The following NRG1 variants were observed in gnomAD, a reference collection of about 807,000 sequenced individuals.
NRG1 encodes pro-neuregulin-1, membrane-bound isoform.
A neutral mutation model predicts 63.8 loss-of-function variants in NRG1; 18 were observed. The ratio of observed to expected loss-of-function variants is 0.28; its 90% CI spans 0.19 to 0.42. The LOEUF (loss-of-function observed/expected upper bound fraction) is 0.42. NRG1 is among the 10% of genes least tolerant of loss of function. The pLI is 1.00. For synonymous variants in NRG1, 302 were observed against 301.3 expected, an observed-to-expected ratio of 1.00 and a Z score of -0.02; for missense variants, 762 against 814.7, an observed-to-expected ratio of 0.94 and a Z score of 0.79.
intron 1 of NRG1, among the ~76,000 whole-genome samples, chr8:32,473,643 A>G (rs1164155740): frequency 6.6e-6 from 1 of 152,198 alleles, no homozygotes. Flanking sequence ...GCAGACTTAA[A>G]TCAACCCTGG....
intron 1 of NRG1, among the ~76,000 whole-genome samples, chr8:32,196,989 T>A (rs1207319330): frequency 7.5e-6 from 1 of 133,732 alleles, no homozygotes; most frequent in Non-Finnish European, 1.6e-5. Flanking sequence ...AGATAGAGTC[T>A]TACTCTGTCA....
At chr8:32,417,364 T>C (rs941126303) in intron 1 of NRG1, among the ~76,000 whole-genome samples, 1 of 152,200 alleles carries the variant, frequency 6.6e-6, no homozygotes, top group Admixed American at 6.5e-5. Context: ...AATAAGATAC[T>C]GCTGCAGGTA....
At chr8:32,044,334 CA>C (rs1009165651) in intron 1 of NRG1, among the ~76,000 whole-genome samples, 4 of 151,808 alleles carry the variant, frequency 2.6e-5, no homozygotes, top group Non-Finnish European at 1.5e-5. Context: ...AAAGGACAAA[CA>C]GAAATATTCA....
chr8:31,753,629 GT>G (rs1816696262), intron 1 of NRG1, among the ~76,000 whole-genome samples: 1 of 152,026 alleles, frequency 6.6e-6, no homozygotes, highest in African/African-American at 2.4e-5. Flanking sequence ...AGACACTGCT[GT>G]TTTAATTATC....
intron 1 of NRG1, among the ~76,000 whole-genome samples, chr8:31,653,103 T>A (rs1259653733): frequency 6.7e-6 from 1 of 149,690 alleles, no homozygotes; most frequent in Non-Finnish European, 1.5e-5. Flanking sequence ...TAGAACTCTA[T>A]GTAGCTAAAC....
intron 6 of NRG1, among the ~76,000 whole-genome samples, chr8:32,740,566 T>C (rs899414782): frequency 1.3e-5 from 2 of 152,148 alleles, no homozygotes; most frequent in Non-Finnish European, 2.9e-5. Flanking sequence ...AAAAATATTC[T>C]AAACAAAAAT....
intron 7 of NRG1, chr8:32,749,429 TTGTC>T (rs1471537999): frequency 1.1e-6 from 1 of 903,160 alleles, no homozygotes; most frequent in African/African-American, 1.6e-5. Flanking sequence ...CACACACCAT[TTGTC>T]TGGTTCAATG....
chr8:32,097,003 C>G (rs775124264), intron 1 of NRG1, among the ~76,000 whole-genome samples: 17 of 152,174 alleles, frequency 1.1e-4, no homozygotes, highest in Non-Finnish European at 2.4e-4. Context: ...TTCCTCACTC[C>G]CTCATCCTTC....
intron 5 of NRG1, among the ~76,000 whole-genome samples, chr8:32,699,645 T>C (rs536051201): frequency 6.6e-6 from 1 of 152,346 alleles, no homozygotes; most frequent in South Asian, 2.1e-4. Context: ...CTTCTTATTT[T>C]ATGTCACCCC....
rs940695496 is a variant in NRG1 at position 31,782,617 on chromosome 8, G to T, written c.37+143186G>T. On this transcript the variant is annotated intron_variant, in intron 1 of 10. Coordinates refer to the NRG1 transcript ENST00000519301. ...ATTCATTCGTACACATTACATTGGG[G>T]TTTTCTAGAAGACAGTATGAAAATT... is the stretch of plus-strand genomic sequence containing the variant. 2.0e-5 allele frequency among the ~76,000 whole-genome samples: 3 copies of T among 152,098 alleles called. No homozygotes were observed. The South Asian group carries it at 6.2e-4, about 32-fold the overall frequency.
intron 1 of NRG1, among the ~76,000 whole-genome samples, chr8:32,132,694 A>G (rs1445381655): frequency 6.6e-6 from 1 of 152,094 alleles, no homozygotes. Flanking sequence ...CTGAGATAAT[A>G]TAGTGTTTAC....
chr8:32,128,789 C>T (rs952150414), intron 1 of NRG1, among the ~76,000 whole-genome samples: 1 of 151,932 alleles, frequency 6.6e-6, no homozygotes, highest in African/African-American at 2.4e-5. Context: ...CCTTAAGAAA[C>T]TGTCAAAGCC....
intron 1 of NRG1, among the ~76,000 whole-genome samples, chr8:31,690,711 A>G (rs1809413159): frequency 6.6e-6 from 1 of 152,196 alleles, no homozygotes; most frequent in African/African-American, 2.4e-5. Flanking sequence ...GGGATATGAC[A>G]GAAAGAGGTT....
At chr8:32,491,642 CTGCA>C (rs71541822) in intron 1 of NRG1, among the ~76,000 whole-genome samples, 8,027 of 152,328 alleles carry the variant, frequency 0.053, 285 homozygotes, top group Middle Eastern at 0.085. Flanking sequence ...CTCTAGCCAT[CTGCA>C]TAGCTGCTAG....
chr8:31,919,931 A>T (rs1833761925), intron 1 of NRG1, among the ~76,000 whole-genome samples: 1 of 152,146 alleles, frequency 6.6e-6, no homozygotes, highest in South Asian at 2.1e-4. Context: ...GTGGATATGT[A>T]TTTTATATAA....
chr8:31,858,354 T>C (rs918286485), intron 1 of NRG1, among the ~76,000 whole-genome samples: 3 of 150,808 alleles, frequency 2.0e-5, no homozygotes, highest in Admixed American at 2.0e-4. Flanking sequence ...CATTCTATGA[T>C]CGTTCGACAT....
chr8:31,874,790 T>G (rs1829776441), intron 1 of NRG1, among the ~76,000 whole-genome samples: 2 of 143,208 alleles, frequency 1.4e-5, no homozygotes, highest in African/African-American at 5.1e-5. Flanking sequence ...GTAACTGTCC[T>G]TCTATTTCCA....
chr8:31,857,000 C>A (rs1013068389), intron 1 of NRG1, among the ~76,000 whole-genome samples: 5 of 152,162 alleles, frequency 3.3e-5, no homozygotes, highest in Non-Finnish European at 7.3e-5. Context: ...GCTGGGAGAA[C>A]CACTGCTCTC....
intron 1 of NRG1, among the ~76,000 whole-genome samples, chr8:31,977,870 A>G (rs1007324110): frequency 2.6e-5 from 4 of 152,056 alleles, no homozygotes; most frequent in Non-Finnish European, 5.9e-5. Context: ...CAAATTCATA[A>G]GTCATTTGGA....
Sources: gnomAD v4.1 joint callset for allele counts (sites outside exome capture counted in the v4.1 genomes callset) on GRCh38, gnomAD v4.1.1 for gene constraint, MANE v1.5 for transcripts, NCBI Gene and HGNC (gene_info 2026-07-23, HGNC 2026-07-21) for gene names.